The following PTPRD variants were observed in gnomAD, a reference collection of about 807,000 sequenced individuals.
PTPRD encodes the protein receptor-type tyrosine-protein phosphatase delta.
In PTPRD, 34 loss-of-function variants were observed where a neutral mutation model predicts 214.5. The observed-to-expected ratio is 0.16, with a 90% CI of 0.12 to 0.21. The LOEUF is 0.21. PTPRD is among the 10% of genes least tolerant of loss of function. PTPRD has a pLI of 1.00. For missense variants in PTPRD, 2,545 were observed against 2,398.7 expected (o/e 1.06, Z -1.27); for synonymous variants, 1,128 against 845.7 (o/e 1.33, Z -5.79).
At chr9:10,586,560 G>T (rs2073948813) in intron 2 of PTPRD, among the ~76,000 whole-genome samples, 1 of 152,058 alleles carries the variant, frequency 6.6e-6, no homozygotes, top group Admixed American at 6.6e-5. Flanking sequence ...GGAAATAAAT[G>T]ACAACGATAG....
intron 11 of PTPRD, among the ~76,000 whole-genome samples, chr9:8,928,821 G>A (rs2098923392): frequency 6.6e-6 from 1 of 152,252 alleles, no homozygotes; most frequent in East Asian, 1.9e-4. Context: ...TCCTATCCAT[G>A]AGGATGGAAT....
At chr9:9,717,700 T>C (rs76455479) in intron 7 of PTPRD, among the ~76,000 whole-genome samples, 2,525 of 152,232 alleles carry the variant, frequency 0.017, 28 homozygotes, top group Middle Eastern at 0.058. Context: ...TCTTTGACAA[T>C]TTAGGGAATA....
Position 8,813,623 on chromosome 9 carries a change from T to G in PTPRD, c.-103-79677A>C, listed in dbSNP as rs113070548. ...CCTAGGCTAAAGCAATCCTCCCGCC[T>G]CGGCCTCCTGCAGTGCTGGGATTAC... On this transcript the variant is annotated intron_variant, in intron 11 of 45. Transcript: ENST00000381196. Among the ~76,000 whole-genome samples the G allele has an allele frequency of 6.4e-4, 97 of 152,260 alleles. 2 individuals are homozygous for G. Among genetic ancestry groups the G allele is most frequent in the African/African-American group, 2.2e-3 (90 of 41,558 alleles).
chr9:8,341,627 C>G (rs984126437), intron 40 of PTPRD, 66 bp downstream of exon 40: 5 of 1,557,848 alleles, frequency 3.2e-6, no homozygotes, highest in Non-Finnish European at 2.6e-6. Context: ...TAAAGTAAAG[C>G]CACGACTCAA....
intron 12 of PTPRD, among the ~76,000 whole-genome samples, chr9:8,712,574 G>C (rs2098362253): frequency 6.6e-6 from 1 of 152,114 alleles, no homozygotes; most frequent in African/African-American, 2.4e-5. Flanking sequence ...GCTAGAGACA[G>C]AATGCACTGA....
At chr9:8,755,836 G>A (rs2093951961) in intron 11 of PTPRD, among the ~76,000 whole-genome samples, 3 of 152,242 alleles carry the variant, frequency 2.0e-5, no homozygotes, top group Admixed American at 2.0e-4. Flanking sequence ...AGGGAGAACA[G>A]TAAATGACCA....
At chr9:10,180,356 C>T (rs1174217139) in intron 3 of PTPRD, among the ~76,000 whole-genome samples, 4 of 151,914 alleles carry the variant, frequency 2.6e-5, no homozygotes, top group Admixed American at 6.6e-5. Flanking sequence ...TCTGCAACTT[C>T]CTCCCTTTCA....
Position 8,521,388 on chromosome 9 carries a change from T to C in PTPRD, c.850A>G (p.Ile284Val), listed in dbSNP as rs1479839079. 5.0e-6 allele frequency: 8 copies of C among 1,614,032 alleles called. No homozygotes were observed. The East Asian group carries it at 1.3e-4, about 27-fold the overall frequency. Residue 284 changes from isoleucine to valine, a missense_variant, in exon 20 of 46, where the codon ATA (isoleucine) becomes GTA (valine). Transcript: ENST00000381196. ...TTCAGTTCTAGCACATTTCTTCCTA[T>C]TGGCATATCATCTTCAGGTGTCAGA... is the stretch of plus-strand genomic sequence containing the variant. ...EDLTPEDDMP[I>V]GRNVLELNDV...
At chr9:9,466,920 A>G (rs1231437016) in intron 8 of PTPRD, among the ~76,000 whole-genome samples, 21 of 152,124 alleles carry the variant, frequency 1.4e-4, no homozygotes, top group Non-Finnish European at 4.4e-5. Flanking sequence ...TCAAGTACTG[A>G]GAAAATATAC....
rs549308486 is a variant in PTPRD at position 9,828,714 on chromosome 9, ATT to A, written c.-367-61865_-367-61864del. 2.9e-3 allele frequency among the ~76,000 whole-genome samples: 417 copies of A among 144,876 alleles called. 1 individual carries two copies. The highest frequency in any genetic ancestry group is 9.9e-3 in the African/African-American group (394 of 39,718). On this transcript the variant is annotated intron_variant, in intron 5 of 45. Coordinates refer to ENST00000381196, the MANE Select transcript of PTPRD (RefSeq NM_002839.4). ...ATCTAAAGGTAAGAACCTAAGCAGG[ATT>A]TTTTTTTTTTTTACTTTGCTTGTAG...
At chr9:9,329,236 T>C (rs963829648) in intron 9 of PTPRD, among the ~76,000 whole-genome samples, 3 of 151,918 alleles carry the variant, frequency 2.0e-5, no homozygotes, top group African/African-American at 7.3e-5. Flanking sequence ...TGTAAGTTCA[T>C]GCAAAACAAA....
intron 3 of PTPRD, among the ~76,000 whole-genome samples, chr9:10,053,363 G>A (rs963374047): frequency 2.6e-5 from 4 of 152,150 alleles, no homozygotes; most frequent in African/African-American, 4.8e-5. Flanking sequence ...GGTAGTCTGA[G>A]TTTTTGCCCC....
chr9:9,476,396 T>C (rs932442308), intron 8 of PTPRD, among the ~76,000 whole-genome samples: 1 of 152,190 alleles, frequency 6.6e-6, no homozygotes, highest in African/African-American at 2.4e-5. Context: ...AAGGAATATA[T>C]AAACAAACAG....
chr9:9,510,056 A>C (rs1160356844), intron 8 of PTPRD, among the ~76,000 whole-genome samples: 1 of 151,524 alleles, frequency 6.6e-6, no homozygotes, highest in Non-Finnish European at 1.5e-5. Context: ...AAATTGCTAC[A>C]TCTCATCCAT....
At chr9:8,911,197 T>C (rs992807032) in intron 11 of PTPRD, among the ~76,000 whole-genome samples, 1 of 152,206 alleles carries the variant, frequency 6.6e-6, no homozygotes, top group African/African-American at 2.4e-5. Flanking sequence ...TTTTCATTAT[T>C]GATTTAAGAA....
intron 37 of PTPRD, among the ~76,000 whole-genome samples, chr9:8,383,350 GC>G (rs1234584119): frequency 6.6e-6 from 1 of 152,136 alleles, no homozygotes; most frequent in Non-Finnish European, 1.5e-5. Flanking sequence ...TGTTCCACCA[GC>G]CAAATGTCAA....
At chr9:8,516,348 T>C (rs1460120927) in intron 21 of PTPRD, among the ~76,000 whole-genome samples, 1 of 152,168 alleles carries the variant, frequency 6.6e-6, no homozygotes, top group Non-Finnish European at 1.5e-5. Context: ...TGGTGAGACA[T>C]ATTTTTATAG....
intron 2 of PTPRD, among the ~76,000 whole-genome samples, chr9:10,489,279 C>G (rs1449870481): frequency 2.0e-5 from 3 of 152,064 alleles, no homozygotes; most frequent in Admixed American, 1.3e-4. Context: ...GGAAAGGGGA[C>G]CTTATTACCC....
intron 7 of PTPRD, among the ~76,000 whole-genome samples, chr9:9,621,990 T>C (rs1312136767): frequency 6.6e-6 from 1 of 152,218 alleles, no homozygotes; most frequent in African/African-American, 2.4e-5. Flanking sequence ...CGAGGAGACC[T>C]GGTCATCTCT....
Sources: gnomAD v4.1 joint callset for allele counts (sites outside exome capture counted in the v4.1 genomes callset) on GRCh38, gnomAD v4.1.1 for gene constraint, MANE v1.5 for transcripts, NCBI Gene and HGNC (gene_info 2026-07-23, HGNC 2026-07-21) for gene names.